ZCCHC2: variants seen among roughly 807,000 people sequenced by gnomAD.
ZCCHC2 encodes the protein zinc finger CCHC domain-containing protein 2.
In ZCCHC2, 39 loss-of-function variants were observed where a neutral mutation model predicts 103.6. That is an observed-to-expected ratio of 0.38 (90% CI 0.29 to 0.49). The LOEUF (loss-of-function observed/expected upper bound fraction) is 0.49, where lower values mean the gene tolerates loss of function less well. Ranked by LOEUF, ZCCHC2 falls within the 20% of genes least tolerant of loss-of-function variation. ZCCHC2 has a pLI of 0.96. For synonymous variants in ZCCHC2, 687 were observed against 608.9 expected (o/e 1.13, Z -1.89); for missense variants, 1,483 against 1,491.0 (o/e 0.99, Z 0.09).
chr18:62,552,758 T>C (rs1038145457), intron 5 of ZCCHC2, among the ~76,000 whole-genome samples: 1 of 151,974 alleles, frequency 6.6e-6, no homozygotes, highest in Non-Finnish European at 1.5e-5. Context: ...GGTGTGGTGG[T>C]GCACACCTGT....
intron 11 of ZCCHC2, among the ~76,000 whole-genome samples, 195 bp downstream of exon 11, chr18:62,565,291 T>G (rs1022814692): frequency 4.6e-5 from 7 of 152,110 alleles, no homozygotes; most frequent in Non-Finnish European, 1.0e-4. Context: ...AAACCAGCCA[T>G]GGGGGTGGAG....
chr18:62,559,750 A>T (rs1348369029), intron 7 of ZCCHC2, among the ~76,000 whole-genome samples: 1 of 152,210 alleles, frequency 6.6e-6, no homozygotes, highest in African/African-American at 2.4e-5. Context: ...TAAATAAATA[A>T]TGTCTTTGTA....
intron 3 of ZCCHC2, among the ~76,000 whole-genome samples, chr18:62,544,458 C>A (rs1195492342): frequency 6.6e-6 from 1 of 152,042 alleles, no homozygotes; most frequent in African/African-American, 2.4e-5. Flanking sequence ...TTTTGAGTGG[C>A]AAAGATTTGT....
At chr18:62,546,682 A>T (rs1262229633) in intron 4 of ZCCHC2, among the ~76,000 whole-genome samples, 3 of 152,212 alleles carry the variant, frequency 2.0e-5, no homozygotes, top group Admixed American at 2.0e-4. Context: ...GCTGAGGCCT[A>T]GTGCCTGGCG....
At chr18:62,539,223 T>C (rs1915065702) in intron 1 of ZCCHC2, among the ~76,000 whole-genome samples, 1 of 152,250 alleles carries the variant, frequency 6.6e-6, no homozygotes, top group African/African-American at 2.4e-5. Context: ...TATTCTTGTT[T>C]AGAAATCCTT....
chr18:62,540,754 A>G (rs887500095), intron 2 of ZCCHC2, among the ~76,000 whole-genome samples: 2 of 152,142 alleles, frequency 1.3e-5, no homozygotes, highest in Non-Finnish European at 2.9e-5. Context: ...GGTACTGTAG[A>G]TTATTTTTCT....
downstream of ZCCHC2, among the ~76,000 whole-genome samples, chr18:62,579,685 C>G (rs928725571): frequency 2.0e-5 from 3 of 152,174 alleles, no homozygotes; most frequent in African/African-American, 7.2e-5. Flanking sequence ...CCTTCCCCCA[C>G]TACACTAAGG....
chr18:62,525,862 C>T lies in ZCCHC2; in HGVS notation c.939+1499C>T, dbSNP rs550944574. 9 of 152,118 alleles carry T rather than the reference C, an allele frequency of 5.9e-5. No homozygotes were observed. The East Asian group carries it at 1.7e-3, about 29-fold the overall frequency. The allele number at this position is 152,118 out of a possible 1,614,324, so 9.4% of individuals were successfully genotyped here. ...CCTACTCGTTAATTTCCCAAAAGTCCTATATGCCGCACAGCCATTAAATTT... is the reference window on the plus strand; with the variant it reads ...CCTACTCGTTAATTTCCCAAAAGTCTTATATGCCGCACAGCCATTAAATTT... On this transcript the variant is annotated intron_variant, in intron 1 of 13. Coordinates refer to ENST00000269499, the MANE Select transcript of ZCCHC2 (RefSeq NM_017742.6).
chr18:62,525,636 C>T (rs1914348988), intron 1 of ZCCHC2: 1 of 152,130 alleles, frequency 6.6e-6, no homozygotes, highest in Admixed American at 6.6e-5. Flanking sequence ...TAGAGATAAT[C>T]TAGCCTGAAC....
chr18:62,531,600 A>G lies in ZCCHC2; in HGVS notation c.939+7237A>G, dbSNP rs531262914. 2.0e-4 allele frequency among the ~76,000 whole-genome samples: 30 copies of G among 152,190 alleles called. No homozygotes were observed. The South Asian group carries it at 5.8e-3, about 29-fold the overall frequency. On this transcript the variant is annotated intron_variant, in intron 1 of 13. Transcript: ENST00000269499. ...TGCTTGGTAAACAAGAAGGAGATAT[A>G]TGTATTATTCATAGAGCGATTAGCA... is the stretch of plus-strand genomic sequence containing the variant.
chr18:62,538,549 G>C (rs1183988693), intron 1 of ZCCHC2, among the ~76,000 whole-genome samples: 1 of 152,088 alleles, frequency 6.6e-6, no homozygotes, highest in Non-Finnish European at 1.5e-5. Flanking sequence ...AAGGCTATCA[G>C]GCCAAGTGTT....
At chr18:62,525,286 A>G (rs1475209395) in intron 1 of ZCCHC2, 8 of 152,190 alleles carry the variant, frequency 5.3e-5, no homozygotes, top group Non-Finnish European at 1.2e-4. Flanking sequence ...CATGAAAGCA[A>G]TTTAATGATA....
chr18:62,529,623 G>A (rs949348429), intron 1 of ZCCHC2, among the ~76,000 whole-genome samples: 2 of 152,208 alleles, frequency 1.3e-5, no homozygotes, highest in Non-Finnish European at 2.9e-5. Context: ...GATTATTTTA[G>A]TAGGAAATAA....
chr18:62,541,114 T>C (rs1915154479), intron 2 of ZCCHC2, among the ~76,000 whole-genome samples: 1 of 152,246 alleles, frequency 6.6e-6, no homozygotes, highest in Non-Finnish European at 1.5e-5. Flanking sequence ...TTTAACTTAA[T>C]ATAACAGCTT....
At chr18:62,545,668 G>A (rs1022879996) in intron 4 of ZCCHC2, among the ~76,000 whole-genome samples, 3 of 152,150 alleles carry the variant, frequency 2.0e-5, no homozygotes, top group Non-Finnish European at 4.4e-5. Context: ...TTCTCAGTAA[G>A]CAAATATTTT....
At chr18:62,533,894 C>CT (rs1914807061) in intron 1 of ZCCHC2, among the ~76,000 whole-genome samples, 1 of 128,522 alleles carries the variant, frequency 7.8e-6, no homozygotes, top group Non-Finnish European at 1.6e-5. Flanking sequence ...AAAAAAAAGA[C>CT]TAAGTATATC....
At chr18:62,549,931 G>A (rs1001458015) in intron 4 of ZCCHC2, among the ~76,000 whole-genome samples, 12 of 152,234 alleles carry the variant, frequency 7.9e-5, no homozygotes, top group Admixed American at 4.6e-4. Flanking sequence ...AAGTGCAAAG[G>A]CAGAGATAAC....
chr18:62,539,647 T>C (rs1568541932), intron 1 of ZCCHC2, 34 bp from the exon 2 acceptor site: 1 of 1,526,314 alleles, frequency 6.6e-7, no homozygotes, highest in Non-Finnish European at 8.9e-7. Context: ...TAGTCCATGG[T>C]TTAAGTTAAC....
At position 62,564,991 on chromosome 18, in the gene ZCCHC2, A is replaced by T. The variant is rs763398687; in HGVS notation, c.1752-11A>T. 1.9e-6 allele frequency: 3 copies of T among 1,584,588 alleles called. No homozygotes were observed. The highest frequency in any genetic ancestry group is 2.6e-6 in the Non-Finnish European group (3 of 1,153,810). ...TTATTAAAATGTTGGCAATATGTTC[A>T]TTTGGTTTAGGGAGAAAATTAAGAA... On this transcript the variant is annotated splice_polypyrimidine_tract_variant and intron_variant, in intron 10 of 13. Coordinates refer to ENST00000269499, the MANE Select transcript of ZCCHC2 (RefSeq NM_017742.6).
Sources: allele counts gnomAD v4.1 joint callset (sites outside exome capture counted in the v4.1 genomes callset), GRCh38; gene constraint gnomAD v4.1.1; transcripts MANE v1.5; gene names NCBI Gene and HGNC (gene_info 2026-07-23, HGNC 2026-07-21).